The following USP37 variants were observed in gnomAD, a reference collection of about 807,000 sequenced individuals.
USP37 encodes ubiquitin carboxyl-terminal hydrolase 37.
A neutral mutation model predicts 124.0 loss-of-function variants in USP37; 27 were observed. The ratio of observed to expected loss-of-function variants is 0.22; its 90% CI spans 0.16 to 0.30. The LOEUF is 0.30. USP37 is among the 10% of genes least tolerant of loss of function. USP37 has a pLI of 1.00. For synonymous variants in USP37, 365 were observed against 388.0 expected, an observed-to-expected ratio of 0.94 and a Z score of 0.70; for missense variants, 889 against 1,140.4, an observed-to-expected ratio of 0.78 and a Z score of 3.17.
At chr2:218,521,390 T>C (rs1459554984) in intron 10 of USP37, among the ~76,000 whole-genome samples, 1 of 152,176 alleles carries the variant, frequency 6.6e-6, no homozygotes, top group Admixed American at 6.5e-5. Context: ...GTTTGTTACA[T>C]ATAGATGTGC....
At chr2:218,563,908 T>C (rs1290037720) in intron 1 of USP37, among the ~76,000 whole-genome samples, 6 of 151,992 alleles carry the variant, frequency 3.9e-5, no homozygotes, top group African/African-American at 4.8e-5. Context: ...GTGTTCTCAC[T>C]AAAAATACAA....
Position 218,549,840 on chromosome 2 carries a change from G to A in USP37, c.398C>T (p.Thr133Ile). 2 of 1,612,974 alleles carry A rather than the reference G, an allele frequency of 1.2e-6. No homozygotes were observed. The highest frequency in any genetic ancestry group is 1.7e-6 in the Non-Finnish European group (2 of 1,179,588). ...ILGSRTSQKETSRQLSYSDNQ... is the reference protein window; with the variant it reads ...ILGSRTSQKEISRQLSYSDNQ... ...GTCTGAGTAAGAAAGCTGCCTGCTG[G>A]TTTCCTTCTGTGAGGTCCTGCTGCC... Residue 133 changes from threonine (T) to isoleucine (I), a missense_variant, in exon 6 of 26, where the codon ACC becomes ATC. Physicochemically the swap from Thr to Ile is moderately conservative, Grantham distance 89. Coordinates refer to ENST00000258399, the MANE Select transcript of USP37 (RefSeq NM_020935.3).
At chr2:218,488,175 C>CAAAAAAA (rs66581703) in intron 15 of USP37, 129 bp downstream of exon 15, 36 of 349,872 alleles carry the variant, frequency 1.0e-4, no homozygotes, top group African/African-American at 4.5e-4. Flanking sequence ...GACCCTGTCT[C>CAAAAAAA]AAAAAAAAAA....
intron 1 of USP37, among the ~76,000 whole-genome samples, chr2:218,567,499 A>G (rs1193925501): frequency 6.6e-6 from 1 of 152,150 alleles, no homozygotes; most frequent in Non-Finnish European, 1.5e-5. Context: ...CAAACCCACT[A>G]TATCCAACTG....
intron 20 of USP37, among the ~76,000 whole-genome samples, chr2:218,468,519 G>A (rs984841387): frequency 2.6e-5 from 4 of 151,802 alleles, no homozygotes; most frequent in East Asian, 3.9e-4. Flanking sequence ...CACCATGCCC[G>A]GCCCACGATA....
At chr2:218,534,735 G>T in intron 8 of USP37, 29 bp from the exon 9 acceptor site, 2 of 1,397,892 alleles carry the variant, frequency 1.4e-6, no homozygotes, top group Non-Finnish European at 2.0e-6. Context: ...CATCAATATA[G>T]TACAGGTGTA....
At chr2:218,475,711 C>T (rs1690931528) in intron 19 of USP37, among the ~76,000 whole-genome samples, 1 of 152,064 alleles carries the variant, frequency 6.6e-6, no homozygotes, top group Admixed American at 6.6e-5. Flanking sequence ...GCCTGGGTGA[C>T]AGGGCAAGAG....
At chr2:218,506,438 A>C (rs1180834508) in intron 11 of USP37, among the ~76,000 whole-genome samples, 1 of 149,682 alleles carries the variant, frequency 6.7e-6, no homozygotes, top group Non-Finnish European at 1.5e-5. Flanking sequence ...TTACGGGCAC[A>C]CGCCACCATG....
intron 8 of USP37, among the ~76,000 whole-genome samples, chr2:218,545,630 T>A (rs1692277223): frequency 6.6e-6 from 1 of 152,120 alleles, no homozygotes; most frequent in Non-Finnish European, 1.5e-5. Flanking sequence ...TGTTAAGGTA[T>A]TAATTGAGAT....
At chr2:218,490,635 A>C (rs886498417) in intron 14 of USP37, among the ~76,000 whole-genome samples, 1 of 152,174 alleles carries the variant, frequency 6.6e-6, no homozygotes, top group African/African-American at 2.4e-5. Context: ...TGATTCAACG[A>C]ACATTTACTG....
intron 17 of USP37, among the ~76,000 whole-genome samples, chr2:218,481,526 C>G (rs1443565910): frequency 6.6e-6 from 1 of 152,114 alleles, no homozygotes; most frequent in Non-Finnish European, 1.5e-5. Flanking sequence ...TAACCAAGAG[C>G]ACTTCCTAAA....
chr2:218,496,944 C>G (rs1033350959), intron 13 of USP37, among the ~76,000 whole-genome samples: 1 of 152,080 alleles, frequency 6.6e-6, no homozygotes, highest in African/African-American at 2.4e-5. Flanking sequence ...AGCTACCGCA[C>G]CCAGCCTCTC....
intron 10 of USP37, chr2:218,528,840 A>AAAAAAAAAAAAAAAG: frequency 2.7e-6 from 1 of 372,408 alleles, no homozygotes; most frequent in Non-Finnish European, 4.6e-6. Flanking sequence ...AAAAAAAAAA[A>AAAAAAAAAAAAAAAG]AGAGCTTATC....
intron 17 of USP37, among the ~76,000 whole-genome samples, chr2:218,481,561 C>G (rs1691270025): frequency 6.6e-6 from 1 of 152,136 alleles, no homozygotes; most frequent in Non-Finnish European, 1.5e-5. Context: ...TGAAAAGCAA[C>G]TAATAACTTT....
chr2:218,453,336 C>G lies in USP37; in HGVS notation c.*1594G>C, dbSNP rs1034778845. On this transcript the variant is annotated 3_prime_UTR_variant, in exon 26 of 26. Coordinates refer to ENST00000258399, the MANE Select transcript of USP37 (RefSeq NM_020935.3). Reference sequence around the variant, plus strand: ...GCAGTGCAATGATGCGATCTCAGCTCACTGCAACCTCTGCCTCCTGGGTTC... The same window carrying G: ...GCAGTGCAATGATGCGATCTCAGCTGACTGCAACCTCTGCCTCCTGGGTTC... 1 of 151,970 alleles carries G rather than the reference C, an allele frequency of 6.6e-6. No homozygotes were observed. Among genetic ancestry groups the G allele is most frequent in the Non-Finnish European group, 1.5e-5 (1 of 68,024 alleles). The allele number at this position is 151,970 out of a possible 1,614,324, so 9.4% of individuals were successfully genotyped here. A position where few individuals can be genotyped will look rare whatever the true frequency, so the allele number is the denominator to read the frequency against.
intron 16 of USP37, among the ~76,000 whole-genome samples, chr2:218,483,189 T>C (rs899049046): frequency 6.6e-6 from 1 of 152,152 alleles, no homozygotes; most frequent in African/African-American, 2.4e-5. Context: ...CAAAATTAAA[T>C]ATTTTAACTA....
At chr2:218,493,163 G>A (rs915780170) in intron 14 of USP37, among the ~76,000 whole-genome samples, 2 of 152,038 alleles carry the variant, frequency 1.3e-5, no homozygotes, top group Non-Finnish European at 2.9e-5. Context: ...TAGCAAGATG[G>A]GGCAGAGGAT....
At chr2:218,499,555 C>G (rs1212443786) in intron 11 of USP37, among the ~76,000 whole-genome samples, 1 of 152,186 alleles carries the variant, frequency 6.6e-6, no homozygotes, top group African/African-American at 2.4e-5. Context: ...AAATGTAACA[C>G]TGATACAATA....
chr2:218,511,126 T>C (rs540329221), intron 10 of USP37, among the ~76,000 whole-genome samples: 1 of 152,340 alleles, frequency 6.6e-6, no homozygotes, highest in East Asian at 1.9e-4. Context: ...TTTTCTGAAT[T>C]GCTTTCCTAT....
Sources: gnomAD v4.1 joint callset for allele counts (sites outside exome capture counted in the v4.1 genomes callset) on GRCh38, gnomAD v4.1.1 for gene constraint, MANE v1.5 for transcripts, NCBI Gene and HGNC (gene_info 2026-07-23, HGNC 2026-07-21) for gene names.